Variants in ZNF507 observed in about 807,000 individuals in gnomAD.
ZNF507 encodes the protein zinc finger protein 507.
ZNF507 carries 29 observed loss-of-function variants against 80.0 expected under a neutral mutation model. The observed-to-expected ratio is 0.36, with a 90% CI of 0.27 to 0.49. The LOEUF (loss-of-function observed/expected upper bound fraction) is 0.49, where lower values mean the gene tolerates loss of function less well. ZNF507 is among the 20% of genes least tolerant of loss of function. The pLI is 0.98. For synonymous variants in ZNF507, 462 were observed against 422.5 expected (o/e 1.09, Z -1.15); for missense variants, 1,081 against 1,152.2 (o/e 0.94, Z 0.90).
In ZNF507 at chr19:32,384,283, C is replaced by G. The variant is rs1189298845; in HGVS notation, c.*1200C>G. On this transcript the variant is annotated 3_prime_UTR_variant, in exon 7 of 7. Transcript: ENST00000355898. ...TGCGATAGGACATATGGAAAACCAA[C>G]ACAAAGTGCTTTAGCATTAAAACTC... 6.6e-6 allele frequency: 1 copy of G among 152,196 alleles called. No homozygotes were observed. Among genetic ancestry groups the G allele is most frequent in the Admixed American group, 6.5e-5 (1 of 15,276 alleles). 9.4% of individuals were successfully genotyped at this position (152,196 alleles called of 1,614,324 possible).
intron 5 of ZNF507, among the ~76,000 whole-genome samples, chr19:32,361,794 CCTTT>C (rs1195032328): frequency 1.4e-5 from 2 of 140,748 alleles, no homozygotes; most frequent in African/African-American, 5.6e-5. Context: ...CTCCTTCCTT[CCTTT>C]CCTTCCTTCG....
rs1390134189 is a variant in ZNF507 at position 32,383,340 on chromosome 19, G to A, written c.*257G>A. The A allele has an allele frequency of 2.4e-6, 1 of 424,382 alleles. No homozygotes were observed. The highest frequency in any genetic ancestry group is 2.0e-5 in the African/African-American group (1 of 50,012). The allele number at this position is 424,382 out of a possible 1,614,324, so 26.3% of individuals were successfully genotyped here. ...AGGTGTAATCCTGTATTAACCCTCT[G>A]TCACCCCTTCTTAGTGTCGAGTGTA... On this transcript the variant is annotated 3_prime_UTR_variant, in exon 7 of 7. Transcript: ENST00000355898.
chr19:32,355,072 A>G (rs1967234263), intron 3 of ZNF507, 115 bp downstream of exon 3: 1 of 1,119,402 alleles, frequency 8.9e-7, no homozygotes, highest in South Asian at 1.7e-5. Flanking sequence ...TGGGTCCCAG[A>G]AAAGTTTGAT....
chr19:32,382,745 C>G lies in ZNF507; in HGVS notation c.2524C>G (p.Gln842Glu). The G allele has an allele frequency of 6.2e-7, 1 of 1,613,182 alleles. No homozygotes were observed. The highest frequency in any genetic ancestry group is 8.5e-7 in the Non-Finnish European group (1 of 1,179,610). ...RVLGKSPGKT[Q>E]LKSSEESADP... The stretch of plus-strand genomic sequence containing the variant: ...TCTGGGGAAATCCCCTGGAAAGACT[C>G]AATTAAAGAGCAGTGAAGAGAGTGC... Residue 842 changes from glutamine (Q) to glutamate (E), a missense_variant, in exon 7 of 7, where the codon CAA becomes GAA. By Grantham distance (29) the Gln-to-Glu change is conservative. Coordinates refer to ENST00000355898, the MANE Select transcript of ZNF507 (RefSeq NM_001136156.2).
intron 2 of ZNF507, among the ~76,000 whole-genome samples, chr19:32,350,515 A>G (rs553553243): frequency 1.3e-5 from 2 of 152,326 alleles, no homozygotes; most frequent in Admixed American, 1.3e-4. Flanking sequence ...TTGAGTTAAG[A>G]TGAACTCCTC....
intron 5 of ZNF507, among the ~76,000 whole-genome samples, chr19:32,361,808 G>T (rs370125861): frequency 6.4e-4 from 43 of 67,346 alleles, no homozygotes; most frequent in Admixed American, 2.0e-3. Context: ...TCCTTCCTTC[G>T]TTTCCTTCCT....
rs780269657 is a variant in ZNF507, at chr19:32,354,055, C to A, written c.1225C>A (p.Leu409Ile). Residue 409 changes from leucine to isoleucine, a missense_variant, in exon 3 of 7, where the codon CTT (leucine) becomes ATT (isoleucine). By Grantham distance (5) the Leu-to-Ile change is conservative. Around this residue, in one of 6 missense-constraint regions of ZNF507, gnomAD observed 614 missense variants for 583.9 expected, o/e 1.05. Coordinates refer to ENST00000355898, the MANE Select transcript of ZNF507 (RefSeq NM_001136156.2). Reference sequence around the variant, plus strand: ...GCGATTGCCAAGTGCTGAAGAAACCCTTTCACAGAAGCGCTTCCTCATGAA... The same window carrying A: ...GCGATTGCCAAGTGCTGAAGAAACCATTTCACAGAAGCGCTTCCTCATGAA... ...VERLPSAEET[L>I]SQKRFLMNTE... 3 of 1,614,096 alleles carry A rather than the reference C, an allele frequency of 1.9e-6. No homozygotes were observed. In the South Asian group the frequency reaches 3.3e-5, roughly 18 times the overall value.
In ZNF507 at chr19:32,384,332, TTA is replaced by T. The variant is rs1224864227; in HGVS notation, c.*1250_*1251del. On this transcript the variant is annotated 3_prime_UTR_variant, in exon 7 of 7. Transcript: ENST00000355898. ...TCACCATCAAATAGATGTAATCTTA[TTA>T]ATTACACATTTTGTATTTTAATTAT... is the stretch of plus-strand genomic sequence containing the variant. 6.6e-6 allele frequency: 1 copy of T among 152,252 alleles called. No homozygotes were observed. The highest frequency in any genetic ancestry group is 1.5e-5 in the Non-Finnish European group (1 of 68,044). The allele number at this position is 152,252 out of a possible 1,614,324, so 9.4% of individuals were successfully genotyped here. A position where few individuals can be genotyped will look rare whatever the true frequency, so the allele number is the denominator to read the frequency against.
Position 32,354,791 on chromosome 19 carries a change from G to T in ZNF507, c.1961G>T (p.Gly654Val). ...RLCHYTSGNK[G>V]YIKQHLRVHR... ...TGTCACTACACAAGTGGCAACAAGGGCTACATCAAGCAGCACTTACGAGTC... is the reference window on the plus strand; with the variant it reads ...TGTCACTACACAAGTGGCAACAAGGTCTACATCAAGCAGCACTTACGAGTC... The change falls in exon 3 of 7, where the codon GGC becomes GTC. Residue 654 changes from glycine to valine, a missense_variant. Physicochemically the swap from Gly to Val is moderately radical, Grantham distance 109. This residue lies in a region of ZNF507 where 614 missense variants were observed against 583.9 expected (regional missense o/e 1.05). Transcript: ENST00000355898. 6.2e-7 allele frequency: 1 copy of T among 1,614,174 alleles called. No homozygotes were observed. The highest frequency in any genetic ancestry group is 8.5e-7 in the Non-Finnish European group (1 of 1,180,032).
chr19:32,372,658 T>G (rs1464071737), intron 5 of ZNF507, among the ~76,000 whole-genome samples: 2 of 151,090 alleles, frequency 1.3e-5, no homozygotes, highest in African/African-American at 2.4e-5. Flanking sequence ...CACCCCACTC[T>G]CAAGAGAACT....
In ZNF507 at chr19:32,382,563, A is replaced by G. The variant is rs373131131; in HGVS notation, c.2457A>G (p.Val819=). 14 of 1,614,104 alleles carry G rather than the reference A, an allele frequency of 8.7e-6. No individual in the cohort carries two copies. The African/African-American group carries it at 1.9e-4, about 22-fold the overall frequency. The part of the protein sequence containing the change: ...ASDQNYNYEQ[V]NKAINDAISQ... ...ACCAAAATTACAACTACGAACAAGT[A>G]AACAAGGCTATTAACGACGCGATTT... The change falls in exon 6 of 7, where the codon GTA becomes GTG. Residue 819 remains valine, a synonymous_variant. Coordinates refer to ENST00000355898, the MANE Select transcript of ZNF507 (RefSeq NM_001136156.2).
At chr19:32,382,638 T>A (rs764132181) in intron 6 of ZNF507, 37 bp downstream of exon 6, 12 of 1,613,316 alleles carry the variant, frequency 7.4e-6, no homozygotes, top group African/African-American at 2.7e-5. Flanking sequence ...TTGCTATATG[T>A]AAATTAAAGC....
intron 5 of ZNF507, among the ~76,000 whole-genome samples, chr19:32,376,263 TTC>T (rs1327412902): frequency 1.3e-4 from 20 of 151,762 alleles, no homozygotes; most frequent in African/African-American, 4.9e-4. Context: ...GATTTTTATT[TTC>T]TTTTTTTTCC....
At chr19:32,352,748 C>A in intron 2 of ZNF507, 81 bp from the exon 3 acceptor site, 1 of 1,265,570 alleles carries the variant, frequency 7.9e-7, no homozygotes, top group African/African-American at 1.5e-5. Context: ...CAGACACTAA[C>A]ATTCTCTTAT....
intron 5 of ZNF507, among the ~76,000 whole-genome samples, chr19:32,378,407 C>T (rs920134515): frequency 3.3e-5 from 5 of 151,944 alleles, no homozygotes; most frequent in Non-Finnish European, 5.9e-5. Context: ...CTTAAGGAGA[C>T]GTGAGGACTA....
chr19:32,368,338 T>C (rs1261986255), intron 5 of ZNF507, among the ~76,000 whole-genome samples: 3 of 152,226 alleles, frequency 2.0e-5, no homozygotes, highest in Non-Finnish European at 4.4e-5. Flanking sequence ...CTCTGAATGC[T>C]GCCTCAGCAT....
chr19:32,374,630 C>T (rs935667060), intron 5 of ZNF507, among the ~76,000 whole-genome samples: 1 of 151,724 alleles, frequency 6.6e-6, no homozygotes, highest in African/African-American at 2.4e-5. Context: ...TACAGGCACC[C>T]GCCACCACAC....
Position 32,353,869 on chromosome 19 carries a change from C to T in ZNF507, c.1039C>T (p.His347Tyr). The T allele has an allele frequency of 6.2e-7, 1 of 1,614,152 alleles. No individual in the cohort carries two copies. Among genetic ancestry groups the T allele is most frequent in the South Asian group, 1.1e-5 (1 of 91,076 alleles). Residue 347 changes from histidine (H) to tyrosine (Y), a missense_variant, in exon 3 of 7, where the codon CAC becomes TAC. Transcript: ENST00000355898. ...PLEQSAERGVHLSQSVTLDPN... is the reference protein window; with the variant it reads ...PLEQSAERGVYLSQSVTLDPN... ...AGAACAGAGTGCAGAAAGAGGAGTA[C>T]ACCTAAGTCAGTCAGTTACCCTGGA...
chr19:32,369,640 T>C (rs940834083), intron 5 of ZNF507, among the ~76,000 whole-genome samples: 2 of 152,220 alleles, frequency 1.3e-5, no homozygotes, highest in African/African-American at 2.4e-5. Flanking sequence ...TTTTTTGTTT[T>C]GTTTTTTAAT....
Sources: allele counts gnomAD v4.1 joint callset (sites outside exome capture counted in the v4.1 genomes callset), GRCh38; gene constraint gnomAD v4.1.1; regional missense constraint gnomAD v4.1.1; transcripts MANE v1.5; gene names NCBI Gene and HGNC (gene_info 2026-07-23, HGNC 2026-07-21).